MAP4K4: variants seen among roughly 807,000 people sequenced by gnomAD.
MAP4K4 encodes the protein mitogen-activated protein kinase kinase kinase kinase 4.
In MAP4K4, 38 loss-of-function variants were observed where a neutral mutation model predicts 189.6. The observed-to-expected ratio is 0.20, with a 90% CI of 0.15 to 0.26. The LOEUF is 0.26. Among genes scored for constraint, MAP4K4 ranks in the 10% least tolerant of loss-of-function variants. MAP4K4 has a pLI of 1.00. For missense variants in MAP4K4, 1,054 were observed against 1,726.9 expected (o/e 0.61, Z 6.91); for synonymous variants, 610 against 624.3 (o/e 0.98, Z 0.34).
intron 3 of MAP4K4, among the ~76,000 whole-genome samples, chr2:101,801,273 A>G (rs1208269242): frequency 6.6e-6 from 1 of 152,182 alleles, no homozygotes; most frequent in Non-Finnish European, 1.5e-5. Flanking sequence ...CAGCACATAG[A>G]TGTACTCTCC....
At chr2:101,847,517 G>A (rs1020425825) in intron 12 of MAP4K4, among the ~76,000 whole-genome samples, 4 of 152,166 alleles carry the variant, frequency 2.6e-5, no homozygotes, top group Non-Finnish European at 5.9e-5. Context: ...CTGACCTTGT[G>A]TAGGCCTAGG....
At position 101,827,437 on chromosome 2, in the gene MAP4K4, T is replaced by G. The variant is rs548239328; in HGVS notation, c.417+2008T>G. ...CTTTGGTAAAGAGAAAGCAGCATGATAAACTGGAGGTAAGGTCTCATGAGA... is the reference window on the plus strand; with the variant it reads ...CTTTGGTAAAGAGAAAGCAGCATGAGAAACTGGAGGTAAGGTCTCATGAGA... On this transcript the variant is annotated intron_variant, in intron 5 of 32. Transcript: ENST00000324219. Among the ~76,000 whole-genome samples the G allele has an allele frequency of 1.3e-3, 205 of 152,268 alleles. 1 individual carries two copies. The highest frequency in any genetic ancestry group is 6.8e-3 in the Middle Eastern group (2 of 294).
At chr2:101,775,149 G>A (rs1402494511) in intron 2 of MAP4K4, among the ~76,000 whole-genome samples, 1 of 149,246 alleles carries the variant, frequency 6.7e-6, no homozygotes, top group Non-Finnish European at 1.5e-5. Flanking sequence ...CTTCCTGCAT[G>A]TTGTTGCTGA....
At chr2:101,769,038 T>G (rs1037885928) in intron 2 of MAP4K4, among the ~76,000 whole-genome samples, 1 of 152,224 alleles carries the variant, frequency 6.6e-6, no homozygotes, top group African/African-American at 2.4e-5. Flanking sequence ...TTTGTGACTT[T>G]TAGATGAGAA....
chr2:101,710,818 G>C (rs2045046684), intron 2 of MAP4K4, among the ~76,000 whole-genome samples: 1 of 152,194 alleles, frequency 6.6e-6, no homozygotes, highest in Admixed American at 6.5e-5. Flanking sequence ...AAAACCCACT[G>C]AGCTGATGAT....
At chr2:101,753,950 G>A (rs1400121431) in intron 2 of MAP4K4, among the ~76,000 whole-genome samples, 1 of 152,174 alleles carries the variant, frequency 6.6e-6, no homozygotes, top group Non-Finnish European at 1.5e-5. Context: ...AGGGTGGACA[G>A]CTAGCGCCTG....
chr2:101,780,721 C>T (rs982513777), intron 2 of MAP4K4, among the ~76,000 whole-genome samples: 1 of 152,176 alleles, frequency 6.6e-6, no homozygotes, highest in East Asian at 1.9e-4. Flanking sequence ...CTGGGAGGAG[C>T]TCCCTTTCTC....
intron 2 of MAP4K4, among the ~76,000 whole-genome samples, chr2:101,741,434 C>G (rs1249345480): frequency 6.6e-6 from 1 of 152,048 alleles, no homozygotes; most frequent in Non-Finnish European, 1.5e-5. Flanking sequence ...TCCCAAAGTG[C>G]TGGGATTACA....
chr2:101,793,698 T>C (rs1389047756), intron 3 of MAP4K4, among the ~76,000 whole-genome samples: 1 of 151,792 alleles, frequency 6.6e-6, no homozygotes, highest in African/African-American at 2.4e-5. Context: ...AGTTACCAGG[T>C]CACTAGTTAT....
chr2:101,831,439 C>T (rs990055235), intron 6 of MAP4K4, among the ~76,000 whole-genome samples: 2 of 151,866 alleles, frequency 1.3e-5, no homozygotes, highest in African/African-American at 4.8e-5. Flanking sequence ...GTGGTTCATT[C>T]AAAAGGCCCT....
chr2:101,794,388 G>A (rs1199780565), intron 3 of MAP4K4, among the ~76,000 whole-genome samples: 1 of 152,176 alleles, frequency 6.6e-6, no homozygotes, highest in African/African-American at 2.4e-5. Context: ...TAAACTCTTT[G>A]AGTGAGGTTT....
chr2:101,719,749 C>T lies in MAP4K4; in HGVS notation c.123+21211C>T, dbSNP rs561703506. 5.3e-5 allele frequency among the ~76,000 whole-genome samples: 8 copies of T among 152,164 alleles called. No homozygotes were observed. The East Asian group carries it at 5.8e-4, about 11-fold the overall frequency. ...AAAGGGGGCCAGGCGTGGTGGCTCA[C>T]GCCTGTAATCCCAGTGCACTTGGGG... is the stretch of plus-strand genomic sequence containing the variant. On this transcript the variant is annotated intron_variant, in intron 2 of 32. Coordinates refer to ENST00000324219, the Ensembl canonical transcript of MAP4K4.
chr2:101,773,680 G>A (rs533022065), intron 2 of MAP4K4, among the ~76,000 whole-genome samples: 1 of 152,196 alleles, frequency 6.6e-6, no homozygotes, highest in South Asian at 2.1e-4. Context: ...TAAATACTAG[G>A]TCTTATTTAT....
chr2:101,793,569 T>G (rs970558835), intron 3 of MAP4K4, among the ~76,000 whole-genome samples: 1 of 84,418 alleles, frequency 1.2e-5, no homozygotes, highest in Non-Finnish European at 2.0e-5. Context: ...CTCTTCATGG[T>G]TTTTTTTTTT....
intron 3 of MAP4K4, among the ~76,000 whole-genome samples, chr2:101,820,823 C>T (rs2096006557): frequency 6.6e-6 from 1 of 152,166 alleles, no homozygotes; most frequent in African/African-American, 2.4e-5. Flanking sequence ...CGATGTGCCC[C>T]ATGACAGCAA....
chr2:101,788,228 C>T (rs2092054837), intron 2 of MAP4K4, among the ~76,000 whole-genome samples: 1 of 151,864 alleles, frequency 6.6e-6, no homozygotes, highest in South Asian at 2.1e-4. Context: ...TTGCAGTCTA[C>T]AAGGAGAAAG....
rs755579440 is a variant in MAP4K4, at chr2:101,859,633, C to T, written c.1483-10C>T. ...CCCATAGATTTAGTGTTATCCTCTC[C>T]CTCTCCAAGGAGTGCCGATGGCGGG... On this transcript the variant is annotated splice_polypyrimidine_tract_variant and intron_variant, in intron 14 of 32. Coordinates refer to ENST00000324219, the Ensembl canonical transcript of MAP4K4. 6.3e-7 allele frequency: 1 copy of T among 1,588,368 alleles called. No homozygotes were observed. Among genetic ancestry groups the T allele is most frequent in the Admixed American group, 1.8e-5 (1 of 56,962 alleles).
At chr2:101,722,460 A>G (rs2052720410) in intron 2 of MAP4K4, among the ~76,000 whole-genome samples, 1 of 152,222 alleles carries the variant, frequency 6.6e-6, no homozygotes, top group Non-Finnish European at 1.5e-5. Flanking sequence ...AGTTCACTGT[A>G]GAAATTTGCT....
chr2:101,842,376 C>CTT (rs2096947228), intron 10 of MAP4K4, among the ~76,000 whole-genome samples: 1 of 152,192 alleles, frequency 6.6e-6, no homozygotes, highest in Non-Finnish European at 1.5e-5. Context: ...ACAAGGTTGG[C>CTT]TCGAATGCCG....
Sources: allele counts gnomAD v4.1 joint callset (sites outside exome capture counted in the v4.1 genomes callset), GRCh38; gene constraint gnomAD v4.1.1; transcripts MANE v1.5; gene names NCBI Gene and HGNC (gene_info 2026-07-23, HGNC 2026-07-21).